TMEM45A: variants seen among roughly 807,000 people sequenced by gnomAD.
TMEM45A encodes the protein transmembrane protein 45A, also known as DNA polymerase-transactivated protein 4.
A neutral mutation model predicts 32.0 loss-of-function variants in TMEM45A; 25 were observed. That is an observed-to-expected ratio of 0.78 (90% CI 0.57 to 1.09). The LOEUF (loss-of-function observed/expected upper bound fraction) is 1.09, where lower values mean the gene tolerates loss of function less well. Ranked by LOEUF, TMEM45A falls within the 50% of genes least tolerant of loss-of-function variation. The pLI, the probability that TMEM45A is intolerant of heterozygous loss-of-function variation, is 0.00. For synonymous variants in TMEM45A, 122 were observed against 114.8 expected (o/e 1.06, Z -0.40); for missense variants, 302 against 325.0 (o/e 0.93, Z 0.54).
chr3:100,548,910 A>G (rs1706033515), intron 1 of TMEM45A, among the ~76,000 whole-genome samples: 1 of 152,132 alleles, frequency 6.6e-6, no homozygotes, highest in Non-Finnish European at 1.5e-5. Flanking sequence ...CCATGACTTC[A>G]ACCCTGTGGC....
intron 1 of TMEM45A, among the ~76,000 whole-genome samples, chr3:100,546,726 GATGCCTTTTTCCCT>G (rs962850316): frequency 6.6e-6 from 1 of 152,218 alleles, no homozygotes; most frequent in African/African-American, 2.4e-5. Flanking sequence ...AACAGAAGGA[GATGCCTTTTTCCCT>G]ATGTTATTTA....
intron 1 of TMEM45A, among the ~76,000 whole-genome samples, chr3:100,506,359 T>TA (rs148264931): frequency 0.068 from 10,242 of 150,078 alleles, 1,174 homozygotes; most frequent in African/African-American, 0.23. Flanking sequence ...TTTATGGGAA[T>TA]AAAAAAAAAA....
intron 1 of TMEM45A, among the ~76,000 whole-genome samples, chr3:100,530,192 G>A (rs1019169887): frequency 3.9e-5 from 6 of 152,120 alleles, no homozygotes; most frequent in Admixed American, 3.3e-4. Context: ...ATAAGTTAGG[G>A]TTCTCTAGAG....
chr3:100,501,381 A>G (rs1708005640), intron 1 of TMEM45A, among the ~76,000 whole-genome samples: 1 of 152,190 alleles, frequency 6.6e-6, no homozygotes, highest in African/African-American at 2.4e-5. Flanking sequence ...AGCTCCCCAG[A>G]GAGCTGATGG....
chr3:100,555,178 T>G (rs1299580211), intron 1 of TMEM45A, 31 bp from the exon 2 acceptor site: 2 of 1,562,610 alleles, frequency 1.3e-6, no homozygotes, highest in Non-Finnish European at 1.7e-6. Context: ...ATGAAATGTC[T>G]TTTACTTTCT....
At chr3:100,507,196 A>G (rs752725467) in intron 1 of TMEM45A, among the ~76,000 whole-genome samples, 7 of 152,138 alleles carry the variant, frequency 4.6e-5, no homozygotes, top group Non-Finnish European at 7.3e-5. Flanking sequence ...TCAACCTGAC[A>G]CTCTGTCATT....
At chr3:100,534,855 AT>A (rs768971640) in intron 1 of TMEM45A, among the ~76,000 whole-genome samples, 17 of 152,208 alleles carry the variant, frequency 1.1e-4, no homozygotes, top group Non-Finnish European at 2.5e-4. Flanking sequence ...TCTTCTGGGA[AT>A]TAGAGCCAAG....
chr3:100,570,389 C>T (rs184429030), intron 5 of TMEM45A, among the ~76,000 whole-genome samples: 38 of 152,332 alleles, frequency 2.5e-4, no homozygotes, highest in African/African-American at 8.9e-4. Flanking sequence ...GTGAAGAAAT[C>T]ATTCCTTTGT....
chr3:100,568,252 G>A (rs1234202652), intron 4 of TMEM45A, among the ~76,000 whole-genome samples: 1 of 152,146 alleles, frequency 6.6e-6, no homozygotes, highest in Non-Finnish European at 1.5e-5. Context: ...CATGTCATCT[G>A]TGAATGTAGA....
chr3:100,500,820 G>C (rs1707999582), intron 1 of TMEM45A, among the ~76,000 whole-genome samples: 1 of 152,234 alleles, frequency 6.6e-6, no homozygotes, highest in South Asian at 2.1e-4. Context: ...CAGCAAGGTG[G>C]TGCTTTCCAC....
intron 1 of TMEM45A, among the ~76,000 whole-genome samples, chr3:100,542,870 A>AT (rs2148968345): frequency 6.6e-6 from 1 of 152,242 alleles, no homozygotes; most frequent in Admixed American, 6.5e-5. Context: ...AATAATAGGC[A>AT]TTGGGGACCA....
intron 1 of TMEM45A, among the ~76,000 whole-genome samples, chr3:100,523,917 G>T (rs1379172762): frequency 6.6e-6 from 1 of 152,220 alleles, no homozygotes; most frequent in Non-Finnish European, 1.5e-5. Context: ...GAACTGCATA[G>T]AGCTAGAGAG....
rs545652966 is a variant in TMEM45A at position 100,510,941 on chromosome 3, C to T, written c.-4+18013C>T. Among the ~76,000 whole-genome samples the T allele has an allele frequency of 7.9e-3, 1,207 of 152,076 alleles. 9 individuals are homozygous for T. The highest frequency in any genetic ancestry group is 0.013 in the Non-Finnish European group (880 of 67,958). On this transcript the variant is annotated intron_variant, in intron 1 of 5. Coordinates refer to ENST00000323523, the MANE Select transcript of TMEM45A (RefSeq NM_018004.3). Reference sequence around the variant, plus strand: ...TTAGAGAAAAAAGAATAAAAAGAAACGAGCAAAGCCTCCAAGAAATATGGG... The same window carrying T: ...TTAGAGAAAAAAGAATAAAAAGAAATGAGCAAAGCCTCCAAGAAATATGGG...
intron 1 of TMEM45A, among the ~76,000 whole-genome samples, chr3:100,508,834 A>C (rs1208789592): frequency 1.3e-5 from 2 of 152,168 alleles, no homozygotes; most frequent in Non-Finnish European, 2.9e-5. Context: ...AAAATGGATT[A>C]AAAACTTTAA....
intron 1 of TMEM45A, among the ~76,000 whole-genome samples, chr3:100,548,038 G>A (rs1706014928): frequency 6.6e-6 from 1 of 152,202 alleles, no homozygotes; most frequent in African/African-American, 2.4e-5. Flanking sequence ...TAAACATTGA[G>A]AGGGGTTGGT....
rs1423343853 is a variant in TMEM45A at position 100,572,192 on chromosome 3, T to C, written c.734+3225T>C. On this transcript the variant is annotated intron_variant, in intron 5 of 5. Transcript: ENST00000323523. ...ATCGCCACACTGACTTCCACAATGG[T>C]TGAACTAGTTTACAGTCCCACCAAC... 2.0e-5 allele frequency: 3 copies of C among 152,296 alleles called. No individual in the cohort carries two copies. The South Asian group carries it at 6.2e-4, about 32-fold the overall frequency. 9.4% of individuals were successfully genotyped at this position (152,296 alleles called of 1,614,324 possible).
At chr3:100,534,214 T>C (rs1475872356) in intron 1 of TMEM45A, among the ~76,000 whole-genome samples, 1 of 152,238 alleles carries the variant, frequency 6.6e-6, no homozygotes, top group Non-Finnish European at 1.5e-5. Context: ...AGGGTTGTGA[T>C]AAGCTGAATA....
chr3:100,512,174 T>C (rs1444001600), intron 1 of TMEM45A, among the ~76,000 whole-genome samples: 9 of 152,180 alleles, frequency 5.9e-5, no homozygotes, highest in East Asian at 1.9e-4. Context: ...AATATACATT[T>C]TTTTCAGCAC....
chr3:100,506,093 T>C (rs1411071224), intron 1 of TMEM45A, among the ~76,000 whole-genome samples: 1 of 151,878 alleles, frequency 6.6e-6, no homozygotes, highest in Non-Finnish European at 1.5e-5. Context: ...GCCAAGCTTG[T>C]GGGGGGAAGA....
Sources: allele counts gnomAD v4.1 joint callset (sites outside exome capture counted in the v4.1 genomes callset), GRCh38; gene constraint gnomAD v4.1.1; transcripts MANE v1.5; gene names NCBI Gene and HGNC (gene_info 2026-07-23, HGNC 2026-07-21).